The following APBA1 variants were observed in gnomAD, a reference collection of about 807,000 sequenced individuals.
APBA1 encodes amyloid beta precursor protein binding family A member 1.
APBA1 carries 55 observed loss-of-function variants against 86.6 expected under a neutral mutation model. The ratio of observed to expected loss-of-function variants is 0.64; its 90% CI spans 0.51 to 0.80. The LOEUF (loss-of-function observed/expected upper bound fraction) is 0.80. Among genes scored for constraint, APBA1 ranks in the 30% least tolerant of loss-of-function variants. APBA1 has a pLI of 0.00. For synonymous variants in APBA1, 511 were observed against 493.9 expected (o/e 1.03, Z -0.46); for missense variants, 1,090 against 1,183.0 (o/e 0.92, Z 1.15).
chr9:69,551,552 C>CAAA (rs34220920), intron 1 of APBA1, among the ~76,000 whole-genome samples: 1 of 131,746 alleles, frequency 7.6e-6, no homozygotes. Context: ...GACTCCGCCT[C>CAAA]AAAAAAAAAA....
chr9:69,652,380 A>C lies in APBA1; in HGVS notation c.-70+19773T>G, dbSNP rs1823523204. On this transcript the variant is annotated intron_variant, in intron 1 of 12. Transcript: ENST00000265381. ...AGAGTGAGCAGGGCAAAATAGGGGT[A>C]CAGGGAGGGGGATATGTTGGGAGCA... Among the ~76,000 whole-genome samples, 6 of 152,268 alleles carry C rather than the reference A, an allele frequency of 3.9e-5. No individual in the cohort carries two copies. The South Asian group carries it at 1.2e-3, about 32-fold the overall frequency.
chr9:69,672,576 G>A (rs1217124128), upstream of APBA1, among the ~76,000 whole-genome samples: 1 of 149,118 alleles, frequency 6.7e-6, no homozygotes, highest in Non-Finnish European at 1.5e-5. Context: ...CGGCGGCACC[G>A]CTGATGTCCT....
At chr9:69,653,517 C>T (rs1823549863) in intron 1 of APBA1, among the ~76,000 whole-genome samples, 1 of 152,172 alleles carries the variant, frequency 6.6e-6, no homozygotes, top group South Asian at 2.1e-4. Flanking sequence ...ACATTTTCCT[C>T]AACACCACAT....
chr9:69,605,218 T>C (rs980816377), intron 1 of APBA1, among the ~76,000 whole-genome samples: 1 of 152,174 alleles, frequency 6.6e-6, no homozygotes, highest in Non-Finnish European at 1.5e-5. Context: ...AGAATTTTTC[T>C]CTGGAACAAT....
At chr9:69,651,749 T>G (rs1224100052) in intron 1 of APBA1, among the ~76,000 whole-genome samples, 3 of 152,240 alleles carry the variant, frequency 2.0e-5, no homozygotes, top group African/African-American at 7.2e-5. Flanking sequence ...GCGCTGAGAT[T>G]ACCGGCGTGA....
rs1348242037 is a variant in APBA1, at chr9:69,516,253, C to G, written c.958G>C (p.Ala320Pro). Residue 320 changes from alanine to proline, a missense_variant, in exon 2 of 13, where the codon GCG (alanine) becomes CCG (proline). Physicochemically the swap from Ala to Pro is conservative, Grantham distance 27. Transcript: ENST00000265381. This position sits in a 1 kb window ranked among gnomAD's most constrained non-coding sequence, Gnocchi z 7.3. ...GGGCCCACCGCCCGCTGCTGCCCCG[C>G]CGGCGCCTGCAGCCCGGGGCTGTCG... ...RPDSPGLQAP[A>P]GQQRAVGPAG... 7.2e-6 allele frequency: 10 copies of G among 1,380,214 alleles called. No individual in the cohort carries two copies. Among genetic ancestry groups the G allele is most frequent in the Non-Finnish European group, 8.4e-6 (9 of 1,071,836 alleles). The allele number at this position is 1,380,214 out of a possible 1,614,324, so 85.5% of individuals were successfully genotyped here. A position where few individuals can be genotyped will look rare whatever the true frequency, so the allele number is the denominator to read the frequency against.
chr9:69,647,721 T>A (rs1823419689), intron 1 of APBA1, among the ~76,000 whole-genome samples: 1 of 152,202 alleles, frequency 6.6e-6, no homozygotes, highest in South Asian at 2.1e-4. Context: ...ATGTATGCTA[T>A]AGAAATATAA....
chr9:69,491,424 G>A (rs1835708338), intron 2 of APBA1, among the ~76,000 whole-genome samples: 1 of 151,814 alleles, frequency 6.6e-6, no homozygotes, highest in Admixed American at 6.6e-5. Context: ...TTAGACATAG[G>A]AAGGGGAACA....
chr9:69,600,949 A>G (rs566731133), intron 1 of APBA1, among the ~76,000 whole-genome samples: 31 of 152,082 alleles, frequency 2.0e-4, no homozygotes, highest in Admixed American at 9.8e-4. Flanking sequence ...ACTTGCTAAC[A>G]CACAATAAAA....
At chr9:69,445,650 G>C (rs895946574) in intron 10 of APBA1, among the ~76,000 whole-genome samples, 1 of 152,196 alleles carries the variant, frequency 6.6e-6, no homozygotes, top group Non-Finnish European at 1.5e-5. Flanking sequence ...GGCACAGAAA[G>C]AGGCAGCCTG....
At position 69,427,855 on chromosome 9, in the gene APBA1, G is replaced by C; in HGVS notation, c.*3472C>G. On this transcript the variant is annotated 3_prime_UTR_variant, in exon 13 of 13. Transcript: ENST00000265381. Reference sequence around the variant, plus strand: ...ACAAATACAATACTATACTTCTCCCGACACTTTACAATAAGCTCTATTTCA... The same window carrying C: ...ACAAATACAATACTATACTTCTCCCCACACTTTACAATAAGCTCTATTTCA... 6.6e-6 allele frequency: 1 copy of C among 152,094 alleles called. No individual in the cohort carries two copies. The highest frequency in any genetic ancestry group is 6.5e-5 in the Admixed American group (1 of 15,284). The allele number at this position is 152,094 out of a possible 1,614,324, so 9.4% of individuals were successfully genotyped here.
chr9:69,444,802 C>T (rs551031042), intron 10 of APBA1, among the ~76,000 whole-genome samples: 58 of 152,316 alleles, frequency 3.8e-4, no homozygotes, highest in African/African-American at 1.3e-3. Flanking sequence ...AATCACTTGT[C>T]ATGTGCCAAG....
rs768357925 is a variant in APBA1 at position 69,516,962 on chromosome 9, G to T, written c.249C>A (p.Ser83Arg). 1 of 1,591,780 alleles carries T rather than the reference G, an allele frequency of 6.3e-7. No individual in the cohort carries two copies. The highest frequency in any genetic ancestry group is 8.5e-7 in the Non-Finnish European group (1 of 1,176,106). The change falls in exon 2 of 13, where the codon AGC becomes AGA. Residue 83 changes from serine (S) to arginine (R), a missense_variant. Transcript: ENST00000265381. The surrounding 1 kb of genome is among the most constrained non-coding windows in gnomAD (Gnocchi z 7.3). ...ECLARSASTE[S>R]GFHNHTDTAE... Reference sequence around the variant, plus strand: ...CGGTGTCCGTGTGGTTGTGGAAGCCGCTCTCCGTGCTGGCTGAGCGCGCCA... The same window carrying T: ...CGGTGTCCGTGTGGTTGTGGAAGCCTCTCTCCGTGCTGGCTGAGCGCGCCA...
intron 1 of APBA1, among the ~76,000 whole-genome samples, chr9:69,526,394 C>T (rs1836342609): frequency 6.6e-6 from 1 of 151,986 alleles, no homozygotes; most frequent in South Asian, 2.1e-4. Context: ...CAAATAACCC[C>T]ATTAAAACGA....
chr9:69,634,004 A>G (rs1823103287), intron 1 of APBA1, among the ~76,000 whole-genome samples: 1 of 152,212 alleles, frequency 6.6e-6, no homozygotes, highest in Admixed American at 6.5e-5. Flanking sequence ...GCCTTCACTG[A>G]TCATCCTCCC....
At chr9:69,505,800 C>A (rs866307322) in intron 2 of APBA1, among the ~76,000 whole-genome samples, 19 of 151,934 alleles carry the variant, frequency 1.3e-4, no homozygotes, top group Middle Eastern at 3.2e-3. Context: ...GGTGGATCAC[C>A]TGAGGTCAGG....
At chr9:69,654,009 G>A (rs1257179821) in intron 1 of APBA1, among the ~76,000 whole-genome samples, 1 of 151,854 alleles carries the variant, frequency 6.6e-6, no homozygotes, top group African/African-American at 2.4e-5. Context: ...TGGCTACATG[G>A]GAAGCTGAGG....
chr9:69,658,278 TTCTTTC>T lies in APBA1; in HGVS notation c.-70+13869_-70+13874del, dbSNP rs1231789273. 1.9e-3 allele frequency among the ~76,000 whole-genome samples: 126 copies of T among 65,588 alleles called. 1 individual carries two copies. The highest frequency in any genetic ancestry group is 5.0e-3 in the African/African-American group (87 of 17,414). The allele number at this position is 65,588 out of a possible 152,430, so 43.0% of individuals were successfully genotyped here. ...TTTCTTTCTTTCTTTCTTTCTTTCTTTCTTTCTCTCTCTCTTTCTCTCTCTCTCTTT... is the reference window on the plus strand; with the variant it reads ...TTTCTTTCTTTCTTTCTTTCTTTCTTTCTCTCTCTTTCTCTCTCTCTCTTT... On this transcript the variant is annotated intron_variant, in intron 1 of 12. Coordinates refer to ENST00000265381, the MANE Select transcript of APBA1 (RefSeq NM_001163.4).
rs960594255 is a variant in APBA1 at position 69,446,184 on chromosome 9, G to C, written c.2181+3400C>G. ...GTGTTTTCTAGAGAATTTTAAAAAG[G>C]TGATACGACCCACTGATGTCAGTCT... On this transcript the variant is annotated intron_variant, in intron 10 of 12. Coordinates refer to ENST00000265381, the MANE Select transcript of APBA1 (RefSeq NM_001163.4). Among the ~76,000 whole-genome samples the C allele has an allele frequency of 5.9e-5, 9 of 152,312 alleles. No individual in the cohort carries two copies. In the South Asian group the frequency reaches 1.9e-3, roughly 32 times the overall value.
Sources: allele counts gnomAD v4.1 joint callset (sites outside exome capture counted in the v4.1 genomes callset), GRCh38; gene constraint gnomAD v4.1.1; non-coding constraint Gnocchi (gnomAD v3.1); transcripts MANE v1.5; gene names NCBI Gene and HGNC (gene_info 2026-07-23, HGNC 2026-07-21).